AQP9: variants seen among roughly 807,000 people sequenced by gnomAD.
AQP9 encodes the protein aquaporin-9.
Under a neutral mutation model 23.8 loss-of-function variants are expected in AQP9, and 19 were observed. The ratio of observed to expected loss-of-function variants is 0.80; its 90% CI spans 0.56 to 1.17. The LOEUF is 1.17. Among genes scored for constraint, AQP9 ranks in the 50% most tolerant of loss-of-function variants. The probability of loss-of-function intolerance (pLI) is 0.00; values close to 1 mark genes in which losing one functional copy is unlikely to be tolerated. For synonymous variants in AQP9, 153 were observed against 131.5 expected (o/e 1.16, Z -1.12); for missense variants, 413 against 362.0 (o/e 1.14, Z -1.14).
chr15:58,177,663 A>G (rs540936052), intron 4 of AQP9, among the ~76,000 whole-genome samples: 1 of 152,334 alleles, frequency 6.6e-6, no homozygotes, highest in East Asian at 1.9e-4. Context: ...TTTCTTATCT[A>G]TAAACTGAGA....
At position 58,168,838 on chromosome 15, in the gene AQP9, C is replaced by T. The variant is rs117874817; in HGVS notation, c.238+2039C>T. Among the ~76,000 whole-genome samples the T allele has an allele frequency of 7.9e-4, 121 of 152,330 alleles. 1 individual carries two copies. In the East Asian group the frequency reaches 0.016, roughly 20 times the overall value. On this transcript the variant is annotated intron_variant, in intron 2 of 5. Coordinates refer to ENST00000219919, the MANE Select transcript of AQP9 (RefSeq NM_020980.5). ...TAACTGCTCCCCCTATAAGCTCCCA[C>T]TGAGTTCACCAGGTAATGTAGGTGT...
intron 1 of AQP9, among the ~76,000 whole-genome samples, chr15:58,162,295 A>G (rs962794485): frequency 2.0e-5 from 3 of 152,192 alleles, no homozygotes; most frequent in Non-Finnish European, 2.9e-5. Context: ...ACGAAGAGAG[A>G]ACCCCGGGAG....
rs1454286904 is a variant in AQP9 at position 58,185,224 on chromosome 15, A to G, written c.*1089A>G. On this transcript the variant is annotated 3_prime_UTR_variant, in exon 6 of 6. Coordinates refer to ENST00000219919, the MANE Select transcript of AQP9 (RefSeq NM_020980.5). ...AAAGAAACAAAATCTTAGGGAAGAT[A>G]AGTTGAGTTGTCCAAGAGCACACTG... The G allele has an allele frequency of 6.6e-6, 1 of 152,654 alleles. No homozygotes were observed. The highest frequency in any genetic ancestry group is 1.9e-4 in the East Asian group (1 of 5,208). 9.5% of individuals were successfully genotyped at this position (152,654 alleles called of 1,614,324 possible). A position where few individuals can be genotyped will look rare whatever the true frequency, so the allele number is the denominator to read the frequency against.
chr15:58,172,494 C>T (rs1898646663), intron 2 of AQP9, among the ~76,000 whole-genome samples: 1 of 152,166 alleles, frequency 6.6e-6, no homozygotes, highest in Admixed American at 6.6e-5. Flanking sequence ...GAGAGAAATG[C>T]ATTGTTTATG....
intron 1 of AQP9, among the ~76,000 whole-genome samples, chr15:58,149,842 C>G (rs536031127): frequency 6.6e-6 from 1 of 152,288 alleles, no homozygotes; most frequent in East Asian, 1.9e-4. Flanking sequence ...TAAATGACTC[C>G]CTTCTCAAGA....
At chr15:58,148,976 TTC>T (rs1182148951) in intron 1 of AQP9, among the ~76,000 whole-genome samples, 2 of 152,328 alleles carry the variant, frequency 1.3e-5, no homozygotes, top group Admixed American at 1.3e-4. Flanking sequence ...CTTCCTGATA[TTC>T]TGTCAGGCTG....
rs1163048673 is a variant in AQP9, at chr15:58,179,275, A to G, written c.643A>G (p.Met215Val). 5 of 1,614,056 alleles carry G rather than the reference A, an allele frequency of 3.1e-6. No individual in the cohort carries two copies. The highest frequency in any genetic ancestry group is 4.2e-6 in the Non-Finnish European group (5 of 1,180,034). ...CCTGGGACTGAACAGTGGCTGTGCCATGAACCCAGCTCGAGACCTGAGTCC... is the reference window on the plus strand; with the variant it reads ...CCTGGGACTGAACAGTGGCTGTGCCGTGAACCCAGCTCGAGACCTGAGTCC... ...SSLGLNSGCAMNPARDLSPRL... is the reference protein window; with the variant it reads ...SSLGLNSGCAVNPARDLSPRL... The change falls in exon 5 of 6, where the codon ATG (methionine) becomes GTG (valine). Residue 215 changes from methionine (M) to valine (V), a missense_variant. By Grantham distance (21) the Met-to-Val change is conservative. Transcript: ENST00000219919.
intron 1 of AQP9, among the ~76,000 whole-genome samples, chr15:58,162,828 T>G (rs1212384280): frequency 1.3e-5 from 2 of 152,184 alleles, no homozygotes; most frequent in Non-Finnish European, 2.9e-5. Context: ...AGTGTTCCAC[T>G]TTTCGAGCCA....
chr15:58,163,579 G>A (rs1434049284), intron 1 of AQP9, among the ~76,000 whole-genome samples: 6 of 152,096 alleles, frequency 3.9e-5, no homozygotes, highest in African/African-American at 1.4e-4. Context: ...AGAAATATTA[G>A]GTTTGTTGAG....
chr15:58,158,687 A>G (rs1005091614), intron 1 of AQP9, among the ~76,000 whole-genome samples: 28 of 152,248 alleles, frequency 1.8e-4, no homozygotes, highest in Admixed American at 1.0e-3. Flanking sequence ...AAAAATTTTC[A>G]AGAACTCTAT....
Position 58,166,695 on chromosome 15 carries a change from C to A in AQP9, c.134C>A (p.Ala45Asp). 2 of 1,611,440 alleles carry A rather than the reference C, an allele frequency of 1.2e-6. No homozygotes were observed. Among genetic ancestry groups the A allele is most frequent in the Non-Finnish European group, 1.7e-6 (2 of 1,178,624 alleles). The change falls in exon 2 of 6, where the codon GCC (alanine) becomes GAC (aspartate). Residue 45 changes from alanine to aspartate, a missense_variant. Physicochemically the swap from Ala to Asp is moderately radical, Grantham distance 126 (BLOSUM62 -2). Coordinates refer to ENST00000219919, the MANE Select transcript of AQP9 (RefSeq NM_020980.5). ...CAGGTCCTTGGATGTGGCTGTGTTGCCCAAGCTATTCTCAGTCGAGGACGT... is the reference window on the plus strand; with the variant it reads ...CAGGTCCTTGGATGTGGCTGTGTTGACCAAGCTATTCTCAGTCGAGGACGT... ...ILIVLGCGCV[A>D]QAILSRGRFG...
intron 5 of AQP9, among the ~76,000 whole-genome samples, chr15:58,182,209 A>G (rs1181178324): frequency 2.0e-5 from 3 of 152,198 alleles, no homozygotes; most frequent in African/African-American, 7.2e-5. Flanking sequence ...TTAATCAGTG[A>G]AAGCTCTCAG....
At chr15:58,155,541 C>G (rs1328377705) in intron 1 of AQP9, 2 of 152,166 alleles carry the variant, frequency 1.3e-5, no homozygotes, top group Non-Finnish European at 2.9e-5. Context: ...GCTTTAGAGA[C>G]TTTTCACCTT....
intron 2 of AQP9, 108 bp from the exon 3 acceptor site, chr15:58,172,960 C>CAGT: frequency 2.9e-6 from 4 of 1,379,048 alleles, no homozygotes; most frequent in Non-Finnish European, 4.0e-6. Context: ...TCCTCATAGG[C>CAGT]AGTAGTTCTC....
chr15:58,171,880 C>T (rs1376681341), intron 2 of AQP9, among the ~76,000 whole-genome samples: 2 of 152,038 alleles, frequency 1.3e-5, no homozygotes, highest in East Asian at 3.9e-4. Flanking sequence ...CACCATCATC[C>T]CTCCTTTGTT....
intron 1 of AQP9, chr15:58,150,820 A>G (rs1898134823): frequency 1.3e-5 from 2 of 152,192 alleles, no homozygotes; most frequent in Non-Finnish European, 2.9e-5. Flanking sequence ...TGTTCAACTT[A>G]GAAATTGCTC....
chr15:58,172,830 T>C (rs1898652725), intron 2 of AQP9, among the ~76,000 whole-genome samples: 1 of 152,156 alleles, frequency 6.6e-6, no homozygotes, highest in African/African-American at 2.4e-5. Context: ...CCTGACTCTC[T>C]TTTCATCAAG....
At chr15:58,166,555 T>A in intron 1 of AQP9, 118 bp from the exon 2 acceptor site, 7 of 1,358,980 alleles carry the variant, frequency 5.2e-6, no homozygotes, top group Non-Finnish European at 7.0e-6. Flanking sequence ...TTGATTTGTA[T>A]AAAACCCAAG....
chr15:58,159,807 TC>T (rs1369168609), intron 1 of AQP9, among the ~76,000 whole-genome samples: 1 of 152,206 alleles, frequency 6.6e-6, no homozygotes, highest in Non-Finnish European at 1.5e-5. Flanking sequence ...GACCTCCAGT[TC>T]CATTCACATT....
Sources: allele counts gnomAD v4.1 joint callset (sites outside exome capture counted in the v4.1 genomes callset), GRCh38; gene constraint gnomAD v4.1.1; transcripts MANE v1.5; gene names NCBI Gene and HGNC (gene_info 2026-07-23, HGNC 2026-07-21).